DDX60: variants seen among roughly 807,000 people sequenced by gnomAD.
The protein encoded by DDX60 is DExD/H-box helicase 60, also known as probable ATP-dependent RNA helicase DDX60.
In DDX60, 165 loss-of-function variants were observed where a neutral mutation model predicts 212.8. That is an observed-to-expected ratio of 0.78 (90% confidence interval 0.68 to 0.88). The LOEUF is 0.88. DDX60 is among the 40% of genes least tolerant of loss of function. The pLI, the probability that DDX60 is intolerant of heterozygous loss-of-function variation, is 0.00. For missense variants in DDX60, 1,905 were observed against 2,003.9 expected (o/e 0.95, Z 0.94); for synonymous variants, 703 against 685.3 (o/e 1.03, Z -0.40).
intron 28 of DDX60, among the ~76,000 whole-genome samples, chr4:168,249,689 C>T (rs1239374025): frequency 6.6e-6 from 1 of 152,156 alleles, no homozygotes; most frequent in African/African-American, 2.4e-5. Context: ...ATAGGTGTTT[C>T]TCTCTTCTAT....
chr4:168,247,706 G>C (rs1220735025), intron 29 of DDX60, among the ~76,000 whole-genome samples: 1 of 152,132 alleles, frequency 6.6e-6, no homozygotes, highest in Non-Finnish European at 1.5e-5. Flanking sequence ...TACAGAAATT[G>C]CAAGGCAAAA....
chr4:168,290,932 C>T (rs1378738136), intron 8 of DDX60, among the ~76,000 whole-genome samples: 6 of 152,132 alleles, frequency 3.9e-5, no homozygotes, highest in African/African-American at 1.4e-4. Flanking sequence ...TGAACATTTT[C>T]ACTGTATGTA....
At chr4:168,281,175 C>T (rs1208368517) in intron 13 of DDX60, among the ~76,000 whole-genome samples, 1 of 152,110 alleles carries the variant, frequency 6.6e-6, no homozygotes, top group Non-Finnish European at 1.5e-5. Flanking sequence ...GTTAATGTCA[C>T]AAAATCAGAG....
chr4:168,323,441 G>A (rs949936887), upstream of DDX60, among the ~76,000 whole-genome samples: 6 of 152,140 alleles, frequency 3.9e-5, no homozygotes, highest in African/African-American at 1.4e-4. Flanking sequence ...TTGCCACATT[G>A]TAACTTTAAT....
chr4:168,280,918 T>A (rs1735565768), intron 13 of DDX60, among the ~76,000 whole-genome samples: 1 of 152,126 alleles, frequency 6.6e-6, no homozygotes, highest in Non-Finnish European at 1.5e-5. Flanking sequence ...GGCTGGAGGA[T>A]CATCTGAAGC....
At chr4:168,243,571 C>A (rs1268063265) in intron 30 of DDX60, among the ~76,000 whole-genome samples, 4 of 152,068 alleles carry the variant, frequency 2.6e-5, no homozygotes, top group Non-Finnish European at 5.9e-5. Flanking sequence ...TCGCACTAAT[C>A]AGAATGGCAA....
Position 168,308,187 on chromosome 4 carries a change from C to T in DDX60, c.83G>A (p.Ser28Asn), listed in dbSNP as rs1736973799. Reference protein sequence around the residue: ...LNEMPKAEYSSLFNDFVESEF... With the variant: ...LNEMPKAEYSNLFNDFVESEF... ...AGATTCAACAAAATCATTGAATAAA[C>T]TGGAATATCTAAAATGAAAAACAGT... The change falls in exon 4 of 38, where the codon AGT becomes AAT. Residue 28 changes from serine to asparagine, a missense_variant. Transcript: ENST00000393743. 1.3e-6 allele frequency: 2 copies of T among 1,542,172 alleles called. No individual in the cohort carries two copies. Among genetic ancestry groups the T allele is most frequent in the African/African-American group, 2.8e-5 (2 of 72,040 alleles).
At chr4:168,236,415 T>G (rs1302259676) in intron 32 of DDX60, 42 bp from the exon 33 acceptor site, 2 of 1,496,130 alleles carry the variant, frequency 1.3e-6, no homozygotes, top group African/African-American at 1.4e-5. Context: ...TGAAAGGGTA[T>G]AATTCTATTT....
chr4:168,244,271 TG>T (rs1733948511), intron 30 of DDX60, among the ~76,000 whole-genome samples: 1 of 151,740 alleles, frequency 6.6e-6, no homozygotes, highest in African/African-American at 2.4e-5. Context: ...TATAAGAAGA[TG>T]GAAAAAAAGA....
chr4:168,300,220 A>G (rs1255462375), intron 6 of DDX60, among the ~76,000 whole-genome samples: 1 of 152,100 alleles, frequency 6.6e-6, no homozygotes, highest in East Asian at 1.9e-4. Context: ...GTAAACATTC[A>G]TGCATTCATG....
chr4:168,251,810 C>T (rs1040273105), intron 27 of DDX60, among the ~76,000 whole-genome samples: 2 of 152,042 alleles, frequency 1.3e-5, no homozygotes, highest in Non-Finnish European at 2.9e-5. Context: ...TACACACATA[C>T]GCAAAATGTA....
intron 6 of DDX60, among the ~76,000 whole-genome samples, chr4:168,297,926 A>G (rs888017850): frequency 4.6e-5 from 7 of 151,022 alleles, no homozygotes; most frequent in Non-Finnish European, 1.0e-4. Flanking sequence ...AATAGTAATA[A>G]TGATAATTTA....
rs372849710 is a variant in DDX60 at position 168,287,003 on chromosome 4, A to G, written c.1339+45T>C. The stretch of plus-strand genomic sequence containing the variant: ...TTAGTGGTGTTTCCTAAACACTTTC[A>G]GAGGAATAATGCTTTCATTTCAGAT... On this transcript the variant is annotated intron_variant, in intron 10 of 37. Transcript: ENST00000393743. 16 of 1,481,814 alleles carry G rather than the reference A, an allele frequency of 1.1e-5. No individual in the cohort carries two copies. The African/African-American group carries it at 2.1e-4, about 20-fold the overall frequency. 91.8% of individuals were successfully genotyped at this position (1,481,814 alleles called of 1,614,324 possible). A position where few individuals can be genotyped will look rare whatever the true frequency, so the allele number is the denominator to read the frequency against.
chr4:168,226,900 C>T (rs748540734), intron 33 of DDX60, among the ~76,000 whole-genome samples: 31 of 151,950 alleles, frequency 2.0e-4, no homozygotes, highest in South Asian at 4.2e-4. Context: ...AGCTGGGGGA[C>T]GGAGAAGTGA....
intron 19 of DDX60, among the ~76,000 whole-genome samples, chr4:168,271,174 G>A (rs934475683): frequency 6.6e-6 from 1 of 152,114 alleles, no homozygotes; most frequent in African/African-American, 2.4e-5. Context: ...CACCGCACCT[G>A]ACCAATAAAT....
chr4:168,307,742 C>T (rs532130295), intron 4 of DDX60, among the ~76,000 whole-genome samples: 11 of 152,190 alleles, frequency 7.2e-5, no homozygotes, highest in East Asian at 3.9e-4. Context: ...TCAACTGGGC[C>T]GCTATTGAGG....
At chr4:168,304,465 C>T (rs1156998036) in intron 5 of DDX60, among the ~76,000 whole-genome samples, 2 of 152,086 alleles carry the variant, frequency 1.3e-5, no homozygotes, top group Non-Finnish European at 1.5e-5. Context: ...TTTTGGGAGG[C>T]TGAGGCAGTC....
At chr4:168,306,322 G>C (rs1473903562) in intron 5 of DDX60, 57 bp downstream of exon 5, 1 of 1,362,968 alleles carries the variant, frequency 7.3e-7, no homozygotes. Flanking sequence ...ACTGAGTCAA[G>C]TAACTTAGAA....
intron 5 of DDX60, among the ~76,000 whole-genome samples, chr4:168,304,521 C>A (rs1168809189): frequency 2.0e-5 from 3 of 151,876 alleles, no homozygotes; most frequent in Non-Finnish European, 4.4e-5. Flanking sequence ...GGCAACATGG[C>A]AAAACCTTGT....
Sources: gnomAD v4.1 joint callset for allele counts (sites outside exome capture counted in the v4.1 genomes callset) on GRCh38, gnomAD v4.1.1 for gene constraint, MANE v1.5 for transcripts, NCBI Gene and HGNC (gene_info 2026-07-23, HGNC 2026-07-21) for gene names.